OPCML: variants seen among roughly 807,000 people sequenced by gnomAD.
OPCML encodes the protein opioid binding protein/cell adhesion molecule like, also known as opioid-binding protein/cell adhesion molecule.
In OPCML, 13 loss-of-function variants were observed where a neutral mutation model predicts 37.8. That is an observed-to-expected ratio of 0.34 (90% CI 0.22 to 0.55). OPCML has a LOEUF of 0.55. Ranked by LOEUF, OPCML falls within the 20% of genes least tolerant of loss-of-function variation. The pLI is 0.91. For missense variants in OPCML, 341 were observed against 435.6 expected, an observed-to-expected ratio of 0.78 and a Z score of 1.93; for synonymous variants, 176 against 168.8, an observed-to-expected ratio of 1.04 and a Z score of -0.33.
At chr11:132,740,456 C>T (rs188892849) in intron 2 of OPCML, among the ~76,000 whole-genome samples, 530 of 152,266 alleles carry the variant, frequency 3.5e-3, no homozygotes, top group Non-Finnish European at 5.5e-3. Context: ...AAAAGCAGCC[C>T]AAGGTGTTAA....
intron 7 of OPCML, 192 bp from the exon 8 acceptor site, chr11:132,420,485 C>T (rs140809341): frequency 1.3e-4 from 81 of 641,278 alleles, no homozygotes; most frequent in Admixed American, 3.2e-4. Context: ...GATGCCTTGA[C>T]CAATGCAGCC....
intron 1 of OPCML, among the ~76,000 whole-genome samples, chr11:132,955,756 C>T (rs1420728104): frequency 6.6e-6 from 1 of 152,072 alleles, no homozygotes; most frequent in Non-Finnish European, 1.5e-5. Context: ...GTGGTGTGTG[C>T]CTGTAATCCC....
intron 1 of OPCML, among the ~76,000 whole-genome samples, chr11:133,273,387 C>T (rs955264043): frequency 1.3e-5 from 2 of 152,044 alleles, no homozygotes; most frequent in Admixed American, 6.6e-5. Context: ...CCCATGGCAC[C>T]CACCAAACCA....
At chr11:132,528,257 G>A (rs571142217) in intron 4 of OPCML, among the ~76,000 whole-genome samples, 1 of 148,758 alleles carries the variant, frequency 6.7e-6, no homozygotes, top group African/African-American at 2.6e-5. Context: ...ATTTTTGAAT[G>A]TTATGTAGCC....
intron 3 of OPCML, among the ~76,000 whole-genome samples, chr11:132,611,413 A>C (rs1395770028): frequency 6.6e-6 from 1 of 152,220 alleles, no homozygotes; most frequent in African/African-American, 2.4e-5. Flanking sequence ...GCAACTAAAA[A>C]TAATCCCACC....
At chr11:133,478,679 A>G (rs1201206913) in intron 1 of OPCML, among the ~76,000 whole-genome samples, 1 of 152,216 alleles carries the variant, frequency 6.6e-6, no homozygotes, top group Non-Finnish European at 1.5e-5. Context: ...ATTGAAACCA[A>G]CCTAAACTAT....
At chr11:133,368,414 T>C (rs1211405547) in intron 1 of OPCML, among the ~76,000 whole-genome samples, 1 of 152,132 alleles carries the variant, frequency 6.6e-6, no homozygotes, top group Non-Finnish European at 1.5e-5. Flanking sequence ...AGACCAACCA[T>C]TAAGGTCACA....
intron 1 of OPCML, among the ~76,000 whole-genome samples, chr11:133,226,457 C>T (rs1346962002): frequency 6.6e-6 from 1 of 152,224 alleles, no homozygotes; most frequent in South Asian, 2.1e-4. Context: ...CTCCTCCCAA[C>T]CTCTTTCTTG....
chr11:133,006,227 G>A (rs773581936), intron 1 of OPCML: 63 of 661,210 alleles, frequency 9.5e-5, no homozygotes, highest in East Asian at 1.4e-4. Flanking sequence ...GTCTTCCTGC[G>A]TGGAACCTGG....
At chr11:133,035,609 G>A (rs369964171) in intron 1 of OPCML, among the ~76,000 whole-genome samples, 10 of 152,208 alleles carry the variant, frequency 6.6e-5, no homozygotes, top group East Asian at 3.9e-4. Flanking sequence ...TCTCTTTCAC[G>A]CCCTATTCTT....
intron 1 of OPCML, among the ~76,000 whole-genome samples, chr11:132,949,550 G>T (rs1945815497): frequency 6.6e-6 from 1 of 152,210 alleles, no homozygotes; most frequent in Admixed American, 6.5e-5. Flanking sequence ...TCTCTTGCTT[G>T]TGGCAGGACA....
chr11:132,989,976 A>T (rs1279689128), intron 1 of OPCML, among the ~76,000 whole-genome samples: 1 of 152,158 alleles, frequency 6.6e-6, no homozygotes, highest in African/African-American at 2.4e-5. Flanking sequence ...AGGCAGAAGG[A>T]TCAACATCAT....
chr11:133,407,611 C>A (rs1394011096), intron 1 of OPCML, among the ~76,000 whole-genome samples: 6 of 152,154 alleles, frequency 3.9e-5, no homozygotes. Flanking sequence ...CCACCCAATG[C>A]AAACCCACAC....
chr11:132,673,151 C>CA (rs1197277988), intron 2 of OPCML, among the ~76,000 whole-genome samples: 1 of 152,266 alleles, frequency 6.6e-6, no homozygotes, highest in South Asian at 2.1e-4. Flanking sequence ...TGAGGTCTGG[C>CA]ACCATTCACT....
intron 2 of OPCML, among the ~76,000 whole-genome samples, chr11:132,748,009 A>G (rs1175304396): frequency 2.6e-5 from 4 of 151,716 alleles, no homozygotes; most frequent in African/African-American, 4.8e-5. Flanking sequence ...TTACTCCAAT[A>G]GATTCTTTTA....
chr11:133,102,775 A>AAAC (rs752318726), intron 1 of OPCML, among the ~76,000 whole-genome samples: 2 of 151,976 alleles, frequency 1.3e-5, no homozygotes, highest in South Asian at 2.1e-4. Context: ...AAACAAAAAC[A>AAAC]AACAACAACA....
intron 1 of OPCML, among the ~76,000 whole-genome samples, chr11:133,517,290 T>C (rs976694195): frequency 2.0e-5 from 3 of 152,266 alleles, no homozygotes; most frequent in South Asian, 2.1e-4. Flanking sequence ...TATACATGTG[T>C]AGTAGTAACC....
chr11:133,452,800 C>A (rs1276751067), intron 1 of OPCML, among the ~76,000 whole-genome samples: 2 of 151,678 alleles, frequency 1.3e-5, no homozygotes, highest in African/African-American at 4.9e-5. Context: ...TCTAAATCAG[C>A]TCCAAGGCTT....
intron 2 of OPCML, among the ~76,000 whole-genome samples, chr11:132,800,358 A>G (rs1010139501): frequency 2.0e-5 from 3 of 152,152 alleles, no homozygotes; most frequent in African/African-American, 7.2e-5. Flanking sequence ...TTACAAAAAG[A>G]TACTTTCCTT....
Sources: gnomAD v4.1 joint callset for allele counts (sites outside exome capture counted in the v4.1 genomes callset) on GRCh38, gnomAD v4.1.1 for gene constraint, MANE v1.5 for transcripts, NCBI Gene and HGNC (gene_info 2026-07-23, HGNC 2026-07-21) for gene names.